NPRL3: variants seen among roughly 807,000 people sequenced by gnomAD.
The protein encoded by NPRL3 is NPR3 like, GATOR1 complex subunit, also known as GATOR1 complex protein NPRL3.
In NPRL3, 23 loss-of-function variants were observed where a neutral mutation model predicts 57.2. The observed-to-expected ratio is 0.40, with a 90% CI of 0.29 to 0.57. The LOEUF (loss-of-function observed/expected upper bound fraction) is 0.57. NPRL3 is among the 20% of genes least tolerant of loss of function. NPRL3 has a pLI of 0.42. For synonymous variants in NPRL3, 333 were observed against 321.1 expected, an observed-to-expected ratio of 1.04 and a Z score of -0.39; for missense variants, 691 against 767.1, an observed-to-expected ratio of 0.90 and a Z score of 1.17.
At chr16:112,357 T>C (rs144356596) in intron 6 of NPRL3, among the ~76,000 whole-genome samples, 10 of 152,378 alleles carry the variant, frequency 6.6e-5, no homozygotes, top group African/African-American at 1.9e-4. Flanking sequence ...GTAACTTCTC[T>C]GAGCCTTAGT....
In NPRL3 at chr16:123,325, G is replaced by A. The variant is rs937321245; in HGVS notation, c.189-4070C>T. On this transcript the variant is annotated intron_variant, in intron 3 of 13. Coordinates refer to ENST00000611875, the MANE Select transcript of NPRL3 (RefSeq NM_001077350.3). Reference sequence around the variant, plus strand: ...TGAAATAGCTAAATGACTGGGTAGAGAAAAAGCCGGGGTGGTGGGAAGTCT... The same window carrying A: ...TGAAATAGCTAAATGACTGGGTAGAAAAAAAGCCGGGGTGGTGGGAAGTCT... Among the ~76,000 whole-genome samples the A allele has an allele frequency of 4.6e-5, 7 of 152,150 alleles. 1 individual carries two copies. Among genetic ancestry groups the A allele is most frequent in the Non-Finnish European group, 7.3e-5 (5 of 68,030 alleles).
intron 3 of NPRL3, among the ~76,000 whole-genome samples, chr16:122,809 C>T (rs1050377908): frequency 6.6e-6 from 1 of 152,084 alleles, no homozygotes; most frequent in Non-Finnish European, 1.5e-5. Flanking sequence ...TCTGCTCCCC[C>T]CACCCACCTA....
At position 98,130 on chromosome 16, in the gene NPRL3, C is replaced by A; in HGVS notation, c.924+15G>T. 6.2e-7 allele frequency: 1 copy of A among 1,610,070 alleles called. No homozygotes were observed. The highest frequency in any genetic ancestry group is 8.5e-7 in the Non-Finnish European group (1 of 1,177,712). On this transcript the variant is annotated intron_variant, in intron 9 of 13. Coordinates refer to ENST00000611875, the MANE Select transcript of NPRL3 (RefSeq NM_001077350.3). ...CACCGCCACATGCCACCCATCTGGG[C>A]CTCCAGAGCTATACCTGCAGCAAGG...
At chr16:88,514 C>A (rs923290882) in intron 13 of NPRL3, among the ~76,000 whole-genome samples, 184 bp downstream of exon 13, 5 of 152,102 alleles carry the variant, frequency 3.3e-5, no homozygotes, top group African/African-American at 1.2e-4. Flanking sequence ...GTCTTGGTGA[C>A]AAGCCGAACC....
intron 7 of NPRL3, among the ~76,000 whole-genome samples, chr16:107,594 CAAAAAAAA>C (rs11309723): frequency 6.9e-5 from 9 of 130,718 alleles, no homozygotes; most frequent in Non-Finnish European, 1.3e-4. Flanking sequence ...TATTCCATCT[CAAAAAAAA>C]AAAAAAAAAA....
intron 7 of NPRL3, among the ~76,000 whole-genome samples, chr16:102,289 A>G (rs972422079): frequency 4.3e-4 from 66 of 152,186 alleles, no homozygotes; most frequent in African/African-American, 1.5e-3. Flanking sequence ...CACTTGTTCT[A>G]TGACACAGAG....
intron 2 of NPRL3, among the ~76,000 whole-genome samples, chr16:132,399 GC>G (rs1220095888): frequency 6.6e-6 from 1 of 152,050 alleles, no homozygotes; most frequent in East Asian, 1.9e-4. Flanking sequence ...ACATCTTTAG[GC>G]CCTACTTCTA....
intron 3 of NPRL3, among the ~76,000 whole-genome samples, chr16:126,537 G>A (rs1197578109): frequency 2.0e-5 from 3 of 152,088 alleles, no homozygotes; most frequent in Admixed American, 2.0e-4. Context: ...CATTCTCTGA[G>A]GTAGTGGCCT....
At chr16:101,935 C>T (rs1899316964) in intron 7 of NPRL3, among the ~76,000 whole-genome samples, 1 of 152,232 alleles carries the variant, frequency 6.6e-6, no homozygotes, top group South Asian at 2.1e-4. Context: ...TGCTGTCTCC[C>T]CAACCAGAAC....
In NPRL3 at chr16:112,731, G is replaced by T; in HGVS notation, c.438C>A (p.Ser146=). The T allele has an allele frequency of 3.1e-6, 5 of 1,612,138 alleles. No homozygotes were observed. Among genetic ancestry groups the T allele is most frequent in the South Asian group, 1.1e-5 (1 of 90,870 alleles). The change falls in exon 6 of 14, where the codon TCC becomes TCA. Residue 146 remains serine (S), a synonymous_variant. Coordinates refer to ENST00000611875, the MANE Select transcript of NPRL3 (RefSeq NM_001077350.3). ...GCTGCAGCACGGTGGCGATACGACG[G>T]GACAGGTTATGCAGACAGTTTATCA... ...PSVINCLHNL[S]RRIATVLQHE...
chr16:123,871 A>C (rs867998575), intron 3 of NPRL3, among the ~76,000 whole-genome samples: 7 of 83,102 alleles, frequency 8.4e-5, no homozygotes, highest in Admixed American at 1.4e-4. Context: ...AGGGTCACAC[A>C]CTCCCCACGC....
At chr16:108,678 T>C (rs937068475) in intron 7 of NPRL3, among the ~76,000 whole-genome samples, 4 of 150,310 alleles carry the variant, frequency 2.7e-5, no homozygotes, top group South Asian at 2.1e-4. Flanking sequence ...TTAATTTTTA[T>C]TATTATTTTT....
rs1898690539 is a variant in NPRL3 at position 89,881 on chromosome 16, C to T, written c.1183G>A (p.Val395Met). The T allele has an allele frequency of 5.1e-6, 8 of 1,553,536 alleles. No homozygotes were observed. The South Asian group carries it at 8.3e-5, about 16-fold the overall frequency. The change falls in exon 12 of 14, where the codon GTG becomes ATG. Residue 395 changes from valine to methionine, a missense_variant. Val to Met is a conservative substitution (Grantham distance 21). Coordinates refer to ENST00000611875, the MANE Select transcript of NPRL3 (RefSeq NM_001077350.3). ...VQETQLIQMV[V>M]WMLQRRLLIQ... ...AGAAGCCGGCGCTGCAGCATCCACA[C>T]CACCATCTGGATGAGCTGGGTCTGC...
intron 5 of NPRL3, among the ~76,000 whole-genome samples, chr16:116,544 G>A (rs1349571678): frequency 1.3e-5 from 2 of 152,168 alleles, no homozygotes; most frequent in African/African-American, 4.8e-5. Flanking sequence ...AGCTCCAGCT[G>A]GGCATAGTGG....
Position 86,835 on chromosome 16 carries a change from T to C in NPRL3, c.1580A>G (p.Glu527Gly). 6.2e-7 allele frequency: 1 copy of C among 1,613,440 alleles called. No individual in the cohort carries two copies. The highest frequency in any genetic ancestry group is 8.5e-7 in the Non-Finnish European group (1 of 1,179,766). ...LHYFRGRHHL[E>G]EIMYNENTRR... ...CGTGTTCTCGTTGTACATAATCTCC[T>C]CCAGGTGGTGGCGGCCGCGGAAGTA... The change falls in exon 14 of 14, where the codon GAG becomes GGG. Residue 527 changes from glutamate to glycine, a missense_variant. Transcript: ENST00000611875.
intron 3 of NPRL3, among the ~76,000 whole-genome samples, chr16:128,945 G>A (rs1401212468): frequency 6.6e-6 from 1 of 152,174 alleles, no homozygotes. Flanking sequence ...GGAAAACATG[G>A]GTGGCACCAG....
intron 5 of NPRL3, among the ~76,000 whole-genome samples, chr16:116,787 A>G (rs1264691566): frequency 5.8e-5 from 5 of 85,946 alleles, no homozygotes; most frequent in East Asian, 4.2e-4. Context: ...ACATGGCGAG[A>G]CCCCCCCCCC....
intron 5 of NPRL3, 57 bp downstream of exon 5, chr16:117,244 G>A: frequency 7.9e-7 from 1 of 1,259,202 alleles, no homozygotes; most frequent in Admixed American, 2.0e-5. Context: ...TGGAAAAAAA[G>A]AGCTGCTTCT....
At chr16:100,788 C>G (rs2914515) in intron 7 of NPRL3, among the ~76,000 whole-genome samples, 1 of 145,950 alleles carries the variant, frequency 6.9e-6, no homozygotes, top group African/African-American at 2.5e-5. Context: ...GCTAATAACA[C>G]GGTGAAACCC....
Sources: allele counts gnomAD v4.1 joint callset (sites outside exome capture counted in the v4.1 genomes callset), GRCh38; gene constraint gnomAD v4.1.1; transcripts MANE v1.5; gene names NCBI Gene and HGNC (gene_info 2026-07-23, HGNC 2026-07-21).